Variants in WDR7 observed in about 807,000 individuals in gnomAD.
WDR7 encodes WD repeat-containing protein 7.
Under a neutral mutation model 169.4 loss-of-function variants are expected in WDR7, and 46 were observed. That is an observed-to-expected ratio of 0.27 (90% confidence interval 0.21 to 0.35). The LOEUF (loss-of-function observed/expected upper bound fraction) is 0.35, where lower values mean the gene tolerates loss of function less well. Ranked by LOEUF, WDR7 falls within the 10% of genes least tolerant of loss-of-function variation. WDR7 has a pLI of 1.00. For synonymous variants in WDR7, 612 were observed against 666.8 expected (o/e 0.92, Z 1.27); for missense variants, 1,534 against 1,859.3 (o/e 0.83, Z 3.22).
chr18:56,959,600 A>G (rs2047308703), intron 25 of WDR7, among the ~76,000 whole-genome samples: 1 of 152,102 alleles, frequency 6.6e-6, no homozygotes, highest in South Asian at 2.1e-4. Flanking sequence ...TGAACTGGAG[A>G]CCAAGACACC....
At chr18:56,954,581 A>C (rs2047225878) in intron 25 of WDR7, among the ~76,000 whole-genome samples, 1 of 152,174 alleles carries the variant, frequency 6.6e-6, no homozygotes, top group Admixed American at 6.6e-5. Flanking sequence ...GACACACCCC[A>C]AGCTATGACT....
intron 13 of WDR7, among the ~76,000 whole-genome samples, chr18:56,725,084 T>C (rs1287683063): frequency 6.6e-6 from 1 of 150,996 alleles, no homozygotes; most frequent in African/African-American, 2.5e-5. Context: ...TCCAAGTCTT[T>C]GCTATTGTGA....
chr18:56,782,469 A>C (rs76683006), intron 19 of WDR7, among the ~76,000 whole-genome samples: 7,383 of 152,152 alleles, frequency 0.049, 601 homozygotes, highest in African/African-American at 0.17. Flanking sequence ...TATTGATTAA[A>C]AAATTTTACC....
At chr18:56,843,770 T>C (rs1323585234) in intron 20 of WDR7, among the ~76,000 whole-genome samples, 2 of 152,198 alleles carry the variant, frequency 1.3e-5, no homozygotes, top group Admixed American at 6.5e-5. Flanking sequence ...CTACAGTGGC[T>C]GTACCATTTT....
chr18:56,665,153 A>G (rs1358927974), intron 1 of WDR7, among the ~76,000 whole-genome samples: 1 of 151,764 alleles, frequency 6.6e-6, no homozygotes, highest in African/African-American at 2.4e-5. Context: ...ATTAGTTAGG[A>G]CTAGTAGCGG....
chr18:56,685,043 C>T lies in WDR7; in HGVS notation c.521-913C>T, dbSNP rs535208657. On this transcript the variant is annotated intron_variant, in intron 5 of 27. Transcript: ENST00000254442. ...TTTATACTCCTTTTATATATGTTTA[C>T]ACTGTAGTCTGAACAGAATAGACTG... 6.6e-5 allele frequency among the ~76,000 whole-genome samples: 10 copies of T among 152,302 alleles called. No individual in the cohort carries two copies. In the South Asian group the frequency reaches 1.9e-3, roughly 28 times the overall value.
intron 14 of WDR7, among the ~76,000 whole-genome samples, chr18:56,754,525 G>GGT (rs571518060): frequency 1.3e-5 from 2 of 150,010 alleles, no homozygotes; most frequent in Non-Finnish European, 3.0e-5. Flanking sequence ...AACCATAACT[G>GGT]GTGTGTGTGT....
intron 21 of WDR7, among the ~76,000 whole-genome samples, chr18:56,889,890 T>C (rs116971931): frequency 0.014 from 2,123 of 152,272 alleles, 30 homozygotes; most frequent in East Asian, 0.036. Flanking sequence ...GGCTTTCTCT[T>C]TGGTATGAGA....
At chr18:56,754,705 T>C (rs1221543936) in intron 14 of WDR7, among the ~76,000 whole-genome samples, 1 of 152,200 alleles carries the variant, frequency 6.6e-6, no homozygotes, top group East Asian at 1.9e-4. Context: ...CTAGTTTCCT[T>C]ACTGTTAGAT....
intron 26 of WDR7, among the ~76,000 whole-genome samples, chr18:56,971,041 G>T (rs1285364326): frequency 6.6e-6 from 1 of 152,128 alleles, no homozygotes; most frequent in Non-Finnish European, 1.5e-5. Flanking sequence ...GGAGGCCAAG[G>T]CAGGCGGATC....
chr18:56,868,319 T>C (rs1187130912), intron 20 of WDR7, among the ~76,000 whole-genome samples: 1 of 152,178 alleles, frequency 6.6e-6, no homozygotes, highest in African/African-American at 2.4e-5. Context: ...TGAACAGATG[T>C]ACTTGTTAAT....
At position 56,962,421 on chromosome 18, in the gene WDR7, T is replaced by C; in HGVS notation, c.4065-9T>C. ...GTTTTTGTTTTTGTTGTTAAAATGT[T>C]CAACTCAGGTTCTACATGGTCAGCT... is the stretch of plus-strand genomic sequence containing the variant. On this transcript the variant is annotated splice_polypyrimidine_tract_variant and intron_variant, in intron 25 of 27. Coordinates refer to ENST00000254442, the MANE Select transcript of WDR7 (RefSeq NM_015285.3). 6.2e-7 allele frequency: 1 copy of C among 1,612,358 alleles called. No individual in the cohort carries two copies. The highest frequency in any genetic ancestry group is 8.5e-7 in the Non-Finnish European group (1 of 1,178,806).
intron 22 of WDR7, 65 bp downstream of exon 22, chr18:56,924,173 G>T: frequency 6.4e-7 from 1 of 1,566,048 alleles, no homozygotes; most frequent in South Asian, 1.2e-5. Flanking sequence ...TTTTTGGTGG[G>T]TTTATTGATC....
intron 16 of WDR7, among the ~76,000 whole-genome samples, chr18:56,768,041 C>T (rs2044094336): frequency 2.0e-5 from 3 of 152,150 alleles, no homozygotes; most frequent in Admixed American, 2.0e-4. Flanking sequence ...TCTTGAATTA[C>T]ATTTTTCCTT....
Position 56,765,011 on chromosome 18 carries a change from G to A in WDR7, c.2848+6058G>A, listed in dbSNP as rs897864241. On this transcript the variant is annotated intron_variant, in intron 16 of 27. Coordinates refer to ENST00000254442, the MANE Select transcript of WDR7 (RefSeq NM_015285.3). Reference sequence around the variant, plus strand: ...TTATGAAATGACCTTCTTTATCCTTGGTAATGTCCTTTGCTTTGAAATTTA... The same window carrying A: ...TTATGAAATGACCTTCTTTATCCTTAGTAATGTCCTTTGCTTTGAAATTTA... Among the ~76,000 whole-genome samples, 3 of 151,862 alleles carry A rather than the reference G, an allele frequency of 2.0e-5. No individual in the cohort carries two copies. The East Asian group carries it at 5.8e-4, about 29-fold the overall frequency.
chr18:56,809,397 A>G (rs2044830732), intron 19 of WDR7, among the ~76,000 whole-genome samples: 1 of 152,084 alleles, frequency 6.6e-6, no homozygotes, highest in Non-Finnish European at 1.5e-5. Flanking sequence ...TGAGATTTTC[A>G]TCACTGTCAA....
chr18:56,978,465 ATTT>A (rs2047597923), intron 26 of WDR7, among the ~76,000 whole-genome samples: 1 of 152,170 alleles, frequency 6.6e-6, no homozygotes, highest in Admixed American at 6.5e-5. Flanking sequence ...CAACATCCTT[ATTT>A]TTGCAAAAAG....
At chr18:56,899,869 T>C (rs1055503276) in intron 21 of WDR7, among the ~76,000 whole-genome samples, 16 of 152,016 alleles carry the variant, frequency 1.1e-4, no homozygotes, top group Non-Finnish European at 2.1e-4. Context: ...TGCTGACACA[T>C]TGATAAACAA....
At chr18:56,885,111 C>T (rs926035266) in intron 21 of WDR7, among the ~76,000 whole-genome samples, 4 of 152,240 alleles carry the variant, frequency 2.6e-5, no homozygotes, top group African/African-American at 9.6e-5. Context: ...CAAGGGAGCA[C>T]CCCATGGGAC....
Sources: allele counts gnomAD v4.1 joint callset (sites outside exome capture counted in the v4.1 genomes callset), GRCh38; gene constraint gnomAD v4.1.1; transcripts MANE v1.5; gene names NCBI Gene and HGNC (gene_info 2026-07-23, HGNC 2026-07-21).